KIAA0319: variants seen among roughly 807,000 people sequenced by gnomAD.
KIAA0319 encodes the protein KIAA0319.
Under a neutral mutation model 108.4 loss-of-function variants are expected in KIAA0319, and 83 were observed. That is an observed-to-expected ratio of 0.77 (90% CI 0.64 to 0.92). The LOEUF (loss-of-function observed/expected upper bound fraction) is 0.92. Among genes scored for constraint, KIAA0319 ranks in the 40% least tolerant of loss-of-function variants. KIAA0319 has a pLI of 0.00. For missense variants in KIAA0319, 1,195 were observed against 1,322.4 expected (o/e 0.90, Z 1.49); for synonymous variants, 484 against 510.4 (o/e 0.95, Z 0.70).
intron 1 of KIAA0319, among the ~76,000 whole-genome samples, chr6:24,631,188 C>T (rs923511568): frequency 6.6e-6 from 1 of 152,220 alleles, no homozygotes; most frequent in African/African-American, 2.4e-5. Context: ...GGAAGTTCTC[C>T]TCTTTTATGA....
intron 1 of KIAA0319, among the ~76,000 whole-genome samples, chr6:24,630,111 G>A (rs1322158522): frequency 6.6e-6 from 1 of 151,996 alleles, no homozygotes; most frequent in Admixed American, 6.6e-5. Context: ...CCTGGGAGGT[G>A]GAGGTTGCCG....
In KIAA0319 at chr6:24,589,557, C is replaced by T. The variant is rs569117059; in HGVS notation, c.802-772G>A. ...TCTCGTGATAGTGAGTGAGTTCTCACGAGATCTGGTGGTTTTATAAGCATC... is the reference window on the plus strand; with the variant it reads ...TCTCGTGATAGTGAGTGAGTTCTCATGAGATCTGGTGGTTTTATAAGCATC... On this transcript the variant is annotated intron_variant, in intron 3 of 20. Transcript: ENST00000378214. Among the ~76,000 whole-genome samples the T allele has an allele frequency of 1.1e-4, 17 of 152,262 alleles. No individual in the cohort carries two copies. In the East Asian group the frequency reaches 1.4e-3, roughly 12 times the overall value.
intron 1 of KIAA0319, among the ~76,000 whole-genome samples, chr6:24,642,764 G>A (rs1777137183): frequency 6.6e-6 from 1 of 151,594 alleles, no homozygotes; most frequent in Admixed American, 6.6e-5. Context: ...TGTGGCCCAG[G>A]CTGGAGTGCA....
intron 19 of KIAA0319, among the ~76,000 whole-genome samples, chr6:24,552,907 AAATATACGTT>A (rs1356216161): frequency 3.9e-5 from 6 of 152,116 alleles, no homozygotes; most frequent in Admixed American, 3.9e-4. Context: ...GCCCAGATTA[AAATATACGTT>A]TTTTAAAAAT....
intron 1 of KIAA0319, among the ~76,000 whole-genome samples, chr6:24,607,493 C>T (rs1436025687): frequency 6.6e-6 from 1 of 151,860 alleles, no homozygotes; most frequent in African/African-American, 2.4e-5. Flanking sequence ...TCAAAGCAGA[C>T]ACCTACAGTG....
intron 20 of KIAA0319, among the ~76,000 whole-genome samples, chr6:24,551,188 T>C (rs1033069305): frequency 3.3e-5 from 5 of 151,666 alleles, no homozygotes; most frequent in Non-Finnish European, 5.9e-5. Context: ...GGTGTCACCA[T>C]GTTGCCCAGG....
chr6:24,588,894 G>A, intron 3 of KIAA0319, 109 bp from the exon 4 acceptor site: 2 of 849,770 alleles, frequency 2.4e-6, no homozygotes, highest in Admixed American at 2.7e-5. Context: ...GGTAATGTTT[G>A]AAAAACCATG....
intron 12 of KIAA0319, among the ~76,000 whole-genome samples, 167 bp from the exon 13 acceptor site, chr6:24,569,096 G>C (rs1286196838): frequency 6.6e-6 from 1 of 152,214 alleles, no homozygotes; most frequent in Non-Finnish European, 1.5e-5. Context: ...CAGTGTAAGA[G>C]TCACAAGCTA....
intron 7 of KIAA0319, among the ~76,000 whole-genome samples, chr6:24,580,316 C>G (rs112684386): frequency 1.7e-4 from 25 of 144,016 alleles, no homozygotes; most frequent in African/African-American, 6.2e-4. Flanking sequence ...GCAACTCCCC[C>G]CCCCACCCCC....
intron 2 of KIAA0319, chr6:24,598,065 G>C (rs1770007143): frequency 2.5e-6 from 1 of 393,668 alleles, no homozygotes; most frequent in Admixed American, 3.3e-5. Flanking sequence ...CTGGCCCCTG[G>C]GCCTTCAGCA....
At position 24,568,817 on chromosome 6, in the gene KIAA0319, T is replaced by C. The variant is rs1025163473; in HGVS notation, c.2104A>G (p.Ser702Gly). 6.2e-7 allele frequency: 1 copy of C among 1,614,066 alleles called. No homozygotes were observed. Among genetic ancestry groups the C allele is most frequent in the African/African-American group, 1.3e-5 (1 of 74,930 alleles). Residue 702 changes from serine to glycine, a missense_variant, in exon 13 of 21, where the codon AGC becomes GGC. Physicochemically the swap from Ser to Gly is moderately conservative, Grantham distance 56. Transcript: ENST00000378214. ...RLTVKDQQGLSSTSTLTVAVK... is the reference protein window; with the variant it reads ...RLTVKDQQGLGSTSTLTVAVK... ...GCCACAGTGAGGGTGGACGTGCTGC[T>C]CAGTCCCTGCTGGTCTTTCACTGTC...
At chr6:24,589,683 T>G (rs1337969579) in intron 3 of KIAA0319, among the ~76,000 whole-genome samples, 1 of 152,220 alleles carries the variant, frequency 6.6e-6, no homozygotes, top group Non-Finnish European at 1.5e-5. Flanking sequence ...ACCTCTTTCC[T>G]TTGTAAATTA....
chr6:24,578,904 C>T (rs1765937214), intron 8 of KIAA0319, among the ~76,000 whole-genome samples: 2 of 152,094 alleles, frequency 1.3e-5, no homozygotes, highest in Non-Finnish European at 2.9e-5. Flanking sequence ...AAAATGTGAC[C>T]TATTTGGTCA....
intron 2 of KIAA0319, chr6:24,598,575 G>A (rs1345915668): frequency 5.0e-6 from 2 of 399,662 alleles, no homozygotes; most frequent in East Asian, 5.8e-5. Flanking sequence ...ACAAGGACAA[G>A]ATCAATAATT....
chr6:24,644,134 G>A (rs1562131285), intron 1 of KIAA0319, among the ~76,000 whole-genome samples: 1 of 152,150 alleles, frequency 6.6e-6, no homozygotes, highest in Non-Finnish European at 1.5e-5. Flanking sequence ...TCTGGGCTTC[G>A]GTTTCCTTCA....
intron 4 of KIAA0319, among the ~76,000 whole-genome samples, chr6:24,584,271 C>T (rs746774731): frequency 7.2e-5 from 11 of 152,046 alleles, no homozygotes; most frequent in Non-Finnish European, 1.5e-4. Context: ...AGTGCTTAGC[C>T]ACCAAGTAAG....
At chr6:24,558,711 A>C (rs1442046370) in intron 17 of KIAA0319, among the ~76,000 whole-genome samples, 1 of 152,194 alleles carries the variant, frequency 6.6e-6, no homozygotes, top group Non-Finnish European at 1.5e-5. Flanking sequence ...TTATATAAAC[A>C]TGGCTTTTGC....
intron 3 of KIAA0319, 136 bp downstream of exon 3, chr6:24,595,737 G>C (rs1486751183): frequency 3.4e-6 from 3 of 888,288 alleles, no homozygotes; most frequent in African/African-American, 1.7e-5. Flanking sequence ...GCCACCACCT[G>C]AGACAGGTGC....
Position 24,595,563 on chromosome 6 carries a change from A to AAAAAAAC in KIAA0319, c.801+309_801+310insGTTTTTT, listed in dbSNP as rs1562023587. Reference sequence around the variant, plus strand: ...TTCAATCTCAAAAAAAAAAAAAAAAAAAAAAAACGCTACAGGCATTTCTAG... The same window carrying AAAAAAAC: ...TTCAATCTCAAAAAAAAAAAAAAAAAAAAAAACAAAAAAACGCTACAGGCATTTCTAG... On this transcript the variant is annotated intron_variant, in intron 3 of 20. Coordinates refer to ENST00000378214, the MANE Select transcript of KIAA0319 (RefSeq NM_014809.4). 2.1e-5 allele frequency among the ~76,000 whole-genome samples: 3 copies of AAAAAAAC among 142,998 alleles called. 1 individual carries two copies. Among genetic ancestry groups the AAAAAAAC allele is most frequent in the South Asian group, 2.2e-4 (1 of 4,580 alleles). 93.8% of individuals were successfully genotyped at this position (142,998 alleles called of 152,430 possible).
Sources: allele counts gnomAD v4.1 joint callset (sites outside exome capture counted in the v4.1 genomes callset), GRCh38; gene constraint gnomAD v4.1.1; transcripts MANE v1.5; gene names NCBI Gene and HGNC (gene_info 2026-07-23, HGNC 2026-07-21).